The following GALK2 variants were observed in gnomAD, a reference collection of about 807,000 sequenced individuals.
GALK2 encodes galactokinase 2.
Under a neutral mutation model 52.4 loss-of-function variants are expected in GALK2, and 36 were observed. The ratio of observed to expected loss-of-function variants is 0.69; its 90% confidence interval spans 0.53 to 0.91. The LOEUF (loss-of-function observed/expected upper bound fraction) is 0.91. Among genes scored for constraint, GALK2 ranks in the 40% least tolerant of loss-of-function variants. The pLI, the probability that GALK2 is intolerant of heterozygous loss-of-function variation, is 0.00. For missense variants in GALK2, 579 were observed against 559.1 expected (o/e 1.04, Z -0.36); for synonymous variants, 176 against 199.1 (o/e 0.88, Z 0.98).
rs370063025 is a variant in GALK2 at position 49,194,743 on chromosome 15, G to A, written c.54-6419G>A. Among the ~76,000 whole-genome samples, 59 of 151,502 alleles carry A rather than the reference G, an allele frequency of 3.9e-4. 1 individual carries two copies. Among genetic ancestry groups the A allele is most frequent in the Admixed American group, 1.3e-3 (20 of 15,200 alleles). On this transcript the variant is annotated intron_variant, in intron 1 of 9. Coordinates refer to ENST00000560031, the MANE Select transcript of GALK2 (RefSeq NM_002044.4). The stretch of plus-strand genomic sequence containing the variant: ...CCCGAGTAGCTAGGATTACAAGCAC[G>A]TGCCACCATGCCCAGCTAATTTTGT...
At chr15:49,164,337 A>C (rs940328446) in intron 1 of GALK2, among the ~76,000 whole-genome samples, 5 of 132,498 alleles carry the variant, frequency 3.8e-5, no homozygotes, top group African/African-American at 1.4e-4. Context: ...GCATTAGCAA[A>C]TGTATTCCAA....
At chr15:49,156,652 C>A in intron 1 of GALK2, 1 of 518,956 alleles carries the variant, frequency 1.9e-6, no homozygotes, top group South Asian at 1.5e-5. Context: ...AGAGCATTCC[C>A]AAAGGCAAAA....
In GALK2 at chr15:49,217,274, C is replaced by T. The variant is rs147019358; in HGVS notation, c.227C>T (p.Thr76Met). ...CTAATAGCTGTAGAACCTGTGAAAA[C>T]GTACGCTCTCCAACTGGCCAATACA... ...DVLIAVEPVKTYALQLANTNP... is the reference protein window; with the variant it reads ...DVLIAVEPVKMYALQLANTNP... Residue 76 changes from threonine (T) to methionine (M), a missense_variant, in exon 3 of 10, where the codon ACG (threonine) becomes ATG (methionine). Transcript: ENST00000560031. The T allele has an allele frequency of 7.4e-6, 12 of 1,613,856 alleles. No homozygotes were observed. The highest frequency in any genetic ancestry group is 4.5e-5 in the East Asian group (2 of 44,860).
intron 3 of GALK2, among the ~76,000 whole-genome samples, chr15:49,226,377 T>G (rs565371783): frequency 6.6e-6 from 1 of 152,274 alleles, no homozygotes; most frequent in African/African-American, 2.4e-5. Context: ...CAGCTTCTTC[T>G]CTTTTCAGCC....
At chr15:49,206,246 T>C (rs1223207771) in intron 2 of GALK2, among the ~76,000 whole-genome samples, 1 of 149,968 alleles carries the variant, frequency 6.7e-6, no homozygotes, top group Non-Finnish European at 1.5e-5. Context: ...TGAATTTTTA[T>C]TTATTTATTT....
At chr15:49,181,111 TCTC>T (rs1231517410) in intron 1 of GALK2, among the ~76,000 whole-genome samples, 5 of 108,776 alleles carry the variant, frequency 4.6e-5, no homozygotes, top group African/African-American at 1.8e-4. Context: ...CCTCCCCTCA[TCTC>T]CTCTTCTTTC....
chr15:49,212,201 T>A lies in GALK2; in HGVS notation c.143-4989T>A, dbSNP rs1400941684. Among the ~76,000 whole-genome samples, 3 of 152,212 alleles carry A rather than the reference T, an allele frequency of 2.0e-5. No individual in the cohort carries two copies. In the East Asian group the frequency reaches 5.8e-4, roughly 29 times the overall value. On this transcript the variant is annotated intron_variant, in intron 2 of 9. Transcript: ENST00000560031. ...TCCACCTCTCAGATTCAAGTGATTG[T>A]CCTGCCTCAGCCTCCCGAGTAGCTG...
intron 2 of GALK2, among the ~76,000 whole-genome samples, chr15:49,211,003 A>T (rs2088837686): frequency 1.4e-5 from 2 of 147,578 alleles, no homozygotes; most frequent in South Asian, 4.3e-4. Flanking sequence ...ACACACACAC[A>T]CACGGCCTTT....
chr15:49,311,337 G>A (rs2035973894), intron 8 of GALK2, among the ~76,000 whole-genome samples: 1 of 152,142 alleles, frequency 6.6e-6, no homozygotes, highest in Non-Finnish European at 1.5e-5. Context: ...CTTATCTGCA[G>A]GATACAATTT....
intron 3 of GALK2, among the ~76,000 whole-genome samples, chr15:49,343,259 T>C (rs2041006330): frequency 6.6e-6 from 1 of 152,148 alleles, no homozygotes. Context: ...GACTTGGTTA[T>C]TTTGAAAGAC....
chr15:49,299,744 TTTCTTTCTTTCTTTC>T (rs1567037330), intron 8 of GALK2, among the ~76,000 whole-genome samples: 16 of 91,058 alleles, frequency 1.8e-4, no homozygotes, highest in East Asian at 1.2e-3. Flanking sequence ...CTTTTCTTTC[TTTCTTTCTTTCTTTC>T]TTTCTTTCTT....
rs547347974 is a variant in GALK2, at chr15:49,243,135, G to A, written c.504+3768G>A. ...GAAAGCAGGGTAATATGGTGGGTGG[G>A]GATTTATCTGAAAGCCTTTGTGAGG... On this transcript the variant is annotated intron_variant, in intron 5 of 9. Coordinates refer to ENST00000560031, the MANE Select transcript of GALK2 (RefSeq NM_002044.4). 6.6e-5 allele frequency among the ~76,000 whole-genome samples: 10 copies of A among 152,154 alleles called. No homozygotes were observed. In the South Asian group the frequency reaches 2.1e-3, roughly 32 times the overall value.
intron 3 of GALK2, among the ~76,000 whole-genome samples, chr15:49,223,842 A>G (rs1475625641): frequency 6.6e-6 from 1 of 151,824 alleles, no homozygotes; most frequent in African/African-American, 2.4e-5. Flanking sequence ...TAGTGCTTCA[A>G]TGAACATATG....
intron 3 of GALK2, among the ~76,000 whole-genome samples, chr15:49,233,273 C>T (rs2090607613): frequency 6.6e-6 from 1 of 152,062 alleles, no homozygotes; most frequent in Non-Finnish European, 1.5e-5. Context: ...TGGGAAGTGC[C>T]ACAGACTTTT....
At chr15:49,183,971 T>A (rs1446327672) in intron 1 of GALK2, among the ~76,000 whole-genome samples, 1 of 152,124 alleles carries the variant, frequency 6.6e-6, no homozygotes, top group African/African-American at 2.4e-5. Flanking sequence ...TGTAAATAAC[T>A]ATTATTAGGT....
At position 49,328,966 on chromosome 15, in the gene GALK2, C is replaced by G; in HGVS notation, c.*807C>G. 2 of 1,073,246 alleles carry G rather than the reference C, an allele frequency of 1.9e-6. No homozygotes were observed. The highest frequency in any genetic ancestry group is 2.3e-6 in the Non-Finnish European group (2 of 881,336). 66.5% of individuals were successfully genotyped at this position (1,073,246 alleles called of 1,614,324 possible). A position where few individuals can be genotyped will look rare whatever the true frequency, so the allele number is the denominator to read the frequency against. On this transcript the variant is annotated 3_prime_UTR_variant, in exon 10 of 10. Transcript: ENST00000560031. ...TATTCACATTGAAATAAAGAATTAT[C>G]TAGATGATAATTCAGATAATTCAGT...
chr15:49,254,355 A>G lies in GALK2; in HGVS notation c.504+14988A>G, dbSNP rs1046455870. 2.8e-5 allele frequency among the ~76,000 whole-genome samples: 4 copies of G among 144,288 alleles called. 1 individual carries two copies. The highest frequency in any genetic ancestry group is 9.9e-5 in the African/African-American group (4 of 40,380). 94.7% of individuals were successfully genotyped at this position (144,288 alleles called of 152,430 possible). A position where few individuals can be genotyped will look rare whatever the true frequency, so the allele number is the denominator to read the frequency against. On this transcript the variant is annotated intron_variant, in intron 5 of 9. Coordinates refer to ENST00000560031, the MANE Select transcript of GALK2 (RefSeq NM_002044.4). ...TACAGAGAAAGTAAAATTGGTGATG[A>G]GTCCTGTGGTTACAAAGGCATTCAG...
chr15:49,339,812 G>A (rs2040395763), intron 3 of GALK2, among the ~76,000 whole-genome samples: 1 of 152,138 alleles, frequency 6.6e-6, no homozygotes, highest in Non-Finnish European at 1.5e-5. Context: ...TTTTTTCAGA[G>A]ATGCCCTGCC....
intron 5 of GALK2, among the ~76,000 whole-genome samples, chr15:49,252,656 A>G (rs2091660559): frequency 1.4e-5 from 2 of 147,938 alleles, no homozygotes; most frequent in Admixed American, 1.4e-4. Context: ...CTTGTAGACA[A>G]TTATTTTCAT....
Sources: allele counts gnomAD v4.1 joint callset (sites outside exome capture counted in the v4.1 genomes callset), GRCh38; gene constraint gnomAD v4.1.1; transcripts MANE v1.5; gene names NCBI Gene and HGNC (gene_info 2026-07-23, HGNC 2026-07-21).